MSI2: variants seen among roughly 807,000 people sequenced by gnomAD.
MSI2 encodes the protein musashi RNA binding protein 2.
A neutral mutation model predicts 45.6 loss-of-function variants in MSI2; 17 were observed. The observed-to-expected ratio is 0.37, with a 90% confidence interval of 0.26 to 0.56. The LOEUF is 0.56. MSI2 is among the 20% of genes least tolerant of loss of function. The pLI is 0.77. For missense variants in MSI2, 293 were observed against 444.2 expected, an observed-to-expected ratio of 0.66 and a Z score of 3.06; for synonymous variants, 156 against 158.2, an observed-to-expected ratio of 0.99 and a Z score of 0.11.
At chr17:57,637,506 C>A (rs1909929913) in intron 10 of MSI2, among the ~76,000 whole-genome samples, 1 of 152,224 alleles carries the variant, frequency 6.6e-6, no homozygotes, top group South Asian at 2.1e-4. Flanking sequence ...CCTCTTGAAG[C>A]TCCTCTGCAT....
intron 5 of MSI2, among the ~76,000 whole-genome samples, chr17:57,306,785 G>A (rs148459934): frequency 2.6e-4 from 39 of 151,986 alleles, no homozygotes; most frequent in Admixed American, 9.2e-4. Context: ...CGCTCTTGTC[G>A]CCCAGGCTGG....
rs552932596 is a variant in MSI2, at chr17:57,629,384, ACAC to A, written c.727+2085_727+2087del. ...GCAGAGGTTGCAGTGAGCCGAGATC[ACAC>A]CACTATACTCCAGCCTGGATAACAG... On this transcript the variant is annotated intron_variant, in intron 10 of 13. Coordinates refer to ENST00000284073, the MANE Select transcript of MSI2 (RefSeq NM_138962.4). The A allele has an allele frequency of 6.8e-3, 1,027 of 151,698 alleles. 7 individuals are homozygous for A. The highest frequency in any genetic ancestry group is 0.011 in the Non-Finnish European group (764 of 67,878). 9.4% of individuals were successfully genotyped at this position (151,698 alleles called of 1,614,324 possible).
At chr17:57,519,271 A>G (rs555649174) in intron 6 of MSI2, among the ~76,000 whole-genome samples, 1 of 152,194 alleles carries the variant, frequency 6.6e-6, no homozygotes, top group Admixed American at 6.5e-5. Context: ...GGGTGTGTGC[A>G]TGCAGGCGAG....
intron 6 of MSI2, among the ~76,000 whole-genome samples, chr17:57,526,174 A>G (rs910667020): frequency 6.6e-6 from 1 of 152,088 alleles, no homozygotes; most frequent in African/African-American, 2.4e-5. Context: ...GCAGTGAGCC[A>G]AGATCATGCC....
chr17:57,622,511 C>CT (rs538713455), intron 9 of MSI2, among the ~76,000 whole-genome samples: 19 of 152,264 alleles, frequency 1.2e-4, no homozygotes, highest in African/African-American at 4.3e-4. Flanking sequence ...AAGCTTCACC[C>CT]TAGCAGGCCC....
chr17:57,680,422 G>A lies in MSI2; in HGVS notation c.*905G>A, dbSNP rs944581108. The A allele has an allele frequency of 2.2e-5, 5 of 227,922 alleles. No homozygotes were observed. Among genetic ancestry groups the A allele is most frequent in the African/African-American group, 8.9e-5 (4 of 44,990 alleles). 14.1% of individuals were successfully genotyped at this position (227,922 alleles called of 1,614,324 possible). A position where few individuals can be genotyped will look rare whatever the true frequency, so the allele number is the denominator to read the frequency against. ...TCAAAAATATTTTTGTGAGGGAGTC[G>A]GTCCCAGGCAGTTTGATGCTCTGTG... is the stretch of plus-strand genomic sequence containing the variant. On this transcript the variant is annotated 3_prime_UTR_variant, in exon 14 of 14. Transcript: ENST00000284073.
At chr17:57,491,550 C>T (rs1263402993) in intron 6 of MSI2, among the ~76,000 whole-genome samples, 3 of 152,186 alleles carry the variant, frequency 2.0e-5, no homozygotes, top group Non-Finnish European at 4.4e-5. Flanking sequence ...ATGCAGAGCT[C>T]CTGCAGCCAG....
Position 57,371,380 on chromosome 17 carries a change from C to T in MSI2, c.313-29999C>T, listed in dbSNP as rs190135486. 6.6e-5 allele frequency among the ~76,000 whole-genome samples: 10 copies of T among 152,236 alleles called. 1 individual carries two copies. The East Asian group carries it at 1.5e-3, about 23-fold the overall frequency. On this transcript the variant is annotated intron_variant, in intron 5 of 13. Coordinates refer to ENST00000284073, the MANE Select transcript of MSI2 (RefSeq NM_138962.4). ...ACTGCTTCTGCCATGTTCCTCCAAT[C>T]ACAAACACTTGGGAAAATTTTGGAA...
At chr17:57,517,316 G>A (rs1398903827) in intron 6 of MSI2, among the ~76,000 whole-genome samples, 1 of 152,204 alleles carries the variant, frequency 6.6e-6, no homozygotes. Context: ...GCCCCATGAA[G>A]AAACTCTGGG....
chr17:57,334,622 C>T (rs2695351), intron 5 of MSI2, among the ~76,000 whole-genome samples: 26,956 of 151,972 alleles, frequency 0.18, 3,128 homozygotes, highest in African/African-American at 0.33. Context: ...GGTAAAACTC[C>T]GTCTCTACTA....
intron 6 of MSI2, among the ~76,000 whole-genome samples, chr17:57,455,120 C>G (rs1041303135): frequency 6.6e-6 from 1 of 152,188 alleles, no homozygotes; most frequent in Non-Finnish European, 1.5e-5. Context: ...TTCGAGTTCC[C>G]TCCTCATGCC....
intron 9 of MSI2, among the ~76,000 whole-genome samples, chr17:57,619,276 C>T (rs1281252627): frequency 6.6e-6 from 1 of 152,226 alleles, no homozygotes; most frequent in Non-Finnish European, 1.5e-5. Context: ...GCAAGAGCAC[C>T]TGCTGCGTGA....
intron 11 of MSI2, among the ~76,000 whole-genome samples, chr17:57,667,153 G>A (rs1400518617): frequency 6.6e-6 from 1 of 152,178 alleles, no homozygotes; most frequent in Non-Finnish European, 1.5e-5. Flanking sequence ...CCAGCTGCTG[G>A]GTGGTTCAAT....
chr17:57,296,940 TCTCTGCTCA>T (rs1686957830), intron 5 of MSI2, among the ~76,000 whole-genome samples: 1 of 152,210 alleles, frequency 6.6e-6, no homozygotes, highest in African/African-American at 2.4e-5. Flanking sequence ...AGTGGCGCGA[TCTCTGCTCA>T]CTGCAAGCTC....
intron 5 of MSI2, among the ~76,000 whole-genome samples, chr17:57,283,542 A>T (rs1210189381): frequency 6.6e-6 from 1 of 152,240 alleles, no homozygotes; most frequent in Admixed American, 6.5e-5. Flanking sequence ...GTGTTTAGAT[A>T]TAAAGGAAAG....
intron 7 of MSI2, among the ~76,000 whole-genome samples, chr17:57,547,533 G>C (rs2087197140): frequency 6.6e-6 from 1 of 152,040 alleles, no homozygotes; most frequent in African/African-American, 2.4e-5. Context: ...CTGATGGATT[G>C]GAAATGGGTT....
At chr17:57,422,471 T>C (rs1481316886) in intron 6 of MSI2, among the ~76,000 whole-genome samples, 1 of 152,058 alleles carries the variant, frequency 6.6e-6, no homozygotes, top group African/African-American at 2.4e-5. Context: ...AAAAAAAAGA[T>C]AAATGGGTAA....
At chr17:57,261,100 A>G (rs1907265238) in intron 4 of MSI2, among the ~76,000 whole-genome samples, 1 of 152,204 alleles carries the variant, frequency 6.6e-6, no homozygotes, top group Non-Finnish European at 1.5e-5. Flanking sequence ...AAAACCGACA[A>G]CGGGAATATT....
chr17:57,620,224 A>G (rs972663058), intron 9 of MSI2, among the ~76,000 whole-genome samples: 5 of 152,168 alleles, frequency 3.3e-5, no homozygotes, highest in African/African-American at 1.2e-4. Context: ...TAGCCTCTCT[A>G]TTCTTCATTT....
Sources: gnomAD v4.1 joint callset for allele counts (sites outside exome capture counted in the v4.1 genomes callset) on GRCh38, gnomAD v4.1.1 for gene constraint, MANE v1.5 for transcripts, NCBI Gene and HGNC (gene_info 2026-07-23, HGNC 2026-07-21) for gene names.